The following MANSC4 variants were observed in gnomAD, a reference collection of about 807,000 sequenced individuals.
MANSC4 encodes the protein MANSC domain containing 4, also known as MANSC domain-containing protein 4.
Under a neutral mutation model 11.4 loss-of-function variants are expected in MANSC4, and 11 were observed. That is an observed-to-expected ratio of 0.97 (90% CI 0.61 to 1.60). The LOEUF is 1.60. Ranked by LOEUF, MANSC4 falls within the 40% of genes most tolerant of loss-of-function variation. MANSC4 has a pLI of 0.00. For missense variants in MANSC4, 354 were observed against 404.6 expected (o/e 0.88, Z 1.07); for synonymous variants, 123 against 147.1 (o/e 0.84, Z 1.19).
At chr12:27,777,784 T>C (rs2062124443) in intron 1 of MANSC4, among the ~76,000 whole-genome samples, 1 of 152,096 alleles carries the variant, frequency 6.6e-6, no homozygotes. Flanking sequence ...ATTCCTAGCA[T>C]TATTATAAAG....
In MANSC4 at chr12:27,768,418, A is replaced by AAG. The variant is rs1555109484; in HGVS notation, c.230-1620_230-1619insCT. On this transcript the variant is annotated intron_variant, in intron 2 of 3. Transcript: ENST00000381273. ...ACTCTGTCTCAAAAAAAAAAAAAAA[A>AAG]AAAAGAAAAAGAAAAAGAAAAAGAA... is the stretch of plus-strand genomic sequence containing the variant. Among the ~76,000 whole-genome samples, 218 of 117,164 alleles carry AAG rather than the reference A, an allele frequency of 1.9e-3. 5 individuals are homozygous for AAG. Among genetic ancestry groups the AAG allele is most frequent in the African/African-American group, 6.4e-3 (212 of 33,244 alleles). 76.9% of individuals were successfully genotyped at this position (117,164 alleles called of 152,430 possible). A position where few individuals can be genotyped will look rare whatever the true frequency, so the allele number is the denominator to read the frequency against.
intron 2 of MANSC4, 120 bp downstream of exon 2, chr12:27,770,928 T>G: frequency 1.4e-6 from 1 of 710,608 alleles, no homozygotes; most frequent in South Asian, 2.0e-5. Flanking sequence ...TCCCACACCC[T>G]AGGGCATCTT....
intron 2 of MANSC4, among the ~76,000 whole-genome samples, chr12:27,768,402 C>CAAAAAAAAAAA (rs201953091): frequency 2.7e-5 from 3 of 109,690 alleles, no homozygotes; most frequent in African/African-American, 7.5e-5. Flanking sequence ...GACTCTGTCT[C>CAAAAAAAAAAA]AAAAAAAAAA....
At chr12:27,764,030 G>A (rs1228479382) in intron 3 of MANSC4, among the ~76,000 whole-genome samples, 1 of 152,164 alleles carries the variant, frequency 6.6e-6, no homozygotes, top group Non-Finnish European at 1.5e-5. Context: ...ACTGCACCCA[G>A]CAATATAGCA....
In MANSC4 at chr12:27,774,752, G is replaced by C. The variant is rs958903252; in HGVS notation, c.-306-3170C>G. On this transcript the variant is annotated intron_variant, in intron 1 of 3. Transcript: ENST00000381273. ...AAAATAAAAAGCAGGGGCTGGGCAC[G>C]GTGGCTCACGCCTGTAATCCCAGCA... 5.3e-5 allele frequency among the ~76,000 whole-genome samples: 8 copies of C among 152,290 alleles called. No homozygotes were observed. The South Asian group carries it at 1.7e-3, about 32-fold the overall frequency.
chr12:27,766,939 T>A, intron 2 of MANSC4, 140 bp from the exon 3 acceptor site: 1 of 876,706 alleles, frequency 1.1e-6, no homozygotes, highest in Non-Finnish European at 1.7e-6. Flanking sequence ...TTTTGCAGAA[T>A]GTTTATAAAC....
At chr12:27,778,932 G>A (rs868158925) in intron 1 of MANSC4, among the ~76,000 whole-genome samples, 24 of 152,296 alleles carry the variant, frequency 1.6e-4, no homozygotes, top group Admixed American at 9.8e-4. Flanking sequence ...GCAGTGGCGC[G>A]ATCTCGGCTC....
chr12:27,775,827 C>T (rs1011709673), intron 1 of MANSC4, among the ~76,000 whole-genome samples: 6 of 151,510 alleles, frequency 4.0e-5, no homozygotes, highest in South Asian at 2.1e-4. Flanking sequence ...TGGTGGCTCA[C>T]GCCTGTAATC....
At chr12:27,769,596 C>T (rs1038723427) in intron 2 of MANSC4, among the ~76,000 whole-genome samples, 7 of 152,266 alleles carry the variant, frequency 4.6e-5, no homozygotes, top group East Asian at 3.9e-4. Context: ...TGAGGACTTA[C>T]GGGAGTTAAA....
Position 27,766,052 on chromosome 12 carries a change from G to T in MANSC4, c.364+613C>A, listed in dbSNP as rs117646611. Among the ~76,000 whole-genome samples, 53 of 149,884 alleles carry T rather than the reference G, an allele frequency of 3.5e-4. 1 individual carries two copies. The East Asian group carries it at 9.6e-3, about 27-fold the overall frequency. On this transcript the variant is annotated intron_variant, in intron 3 of 3. Coordinates refer to ENST00000381273, the MANE Select transcript of MANSC4 (RefSeq NM_001146221.5). ...TTAGCATTTTCTTTATCTCCTAGTG[G>T]CCCCTCAGCCACCACAGGACCTTTT...
chr12:27,774,847 C>A (rs1414994047), intron 1 of MANSC4, among the ~76,000 whole-genome samples: 2 of 151,998 alleles, frequency 1.3e-5, no homozygotes, highest in East Asian at 3.9e-4. Flanking sequence ...CATGGTGAAA[C>A]CCCGTGTCTA....
At chr12:27,775,682 A>C (rs1045360673) in intron 1 of MANSC4, among the ~76,000 whole-genome samples, 27 of 152,168 alleles carry the variant, frequency 1.8e-4, no homozygotes, top group African/African-American at 5.5e-4. Flanking sequence ...GATTACAGGA[A>C]TCGGTCACTG....
At position 27,771,047 on chromosome 12, in the gene MANSC4, C is replaced by T. The variant is rs554363237; in HGVS notation, c.229+1G>A. 3.2e-6 allele frequency: 5 copies of T among 1,548,112 alleles called. No individual in the cohort carries two copies. Among genetic ancestry groups the T allele is most frequent in the Non-Finnish European group, 4.4e-6 (5 of 1,145,462 alleles). ...TGCCCAAGCATATCATGAATACTTA[C>T]CATCCTTCCGAAGACAGCAGCTCCT... On this transcript the variant is annotated splice_donor_variant, in intron 2 of 3. Transcript: ENST00000381273. LOFTEE classifies it high-confidence loss of function.
At chr12:27,775,508 C>T (rs2062116345) in intron 1 of MANSC4, among the ~76,000 whole-genome samples, 1 of 152,160 alleles carries the variant, frequency 6.6e-6, no homozygotes. Flanking sequence ...ACTTAGGCAA[C>T]AGAGCAAGAC....
Position 27,763,368 on chromosome 12 carries a change from T to C in MANSC4, c.393A>G (p.Glu131=). Residue 131 remains glutamate, a synonymous_variant, in exon 4 of 4, where the codon GAA becomes GAG. Transcript: ENST00000381273. The part of the protein sequence containing the change: ...DGIDPDLLVF[E]QSPTYLNTRS... ...GAGTATTTAGATATGTGGGAGATTG[T>C]TCAAAAACCAGCAAATCCGGATCTA... 12 of 1,548,260 alleles carry C rather than the reference T, an allele frequency of 7.8e-6. No individual in the cohort carries two copies. Among genetic ancestry groups the C allele is most frequent in the Non-Finnish European group, 1.0e-5 (12 of 1,145,054 alleles).
chr12:27,766,617 A>G (rs562036517), intron 3 of MANSC4, 48 bp downstream of exon 3: 3 of 1,534,584 alleles, frequency 2.0e-6, no homozygotes, highest in East Asian at 2.5e-5. Flanking sequence ...TGCCTCTACT[A>G]GAATATCGCC....
At position 27,771,246 on chromosome 12, in the gene MANSC4, T is replaced by A. The variant is rs1201149030; in HGVS notation, c.31A>T (p.Ile11Leu). 2 of 1,551,064 alleles carry A rather than the reference T, an allele frequency of 1.3e-6. No homozygotes were observed. Among genetic ancestry groups the A allele is most frequent in the East Asian group, 4.9e-5 (2 of 40,920 alleles). The change falls in exon 2 of 4, where the codon ATA (isoleucine) becomes TTA (leucine). Residue 11 changes from isoleucine (I) to leucine (L), a missense_variant. Physicochemically the swap from Ile to Leu is conservative, Grantham distance 5. Coordinates refer to ENST00000381273, the MANE Select transcript of MANSC4 (RefSeq NM_001146221.5). The part of the protein sequence containing the change: MHVAEVAVNV[I>L]LLLSMGWTSD... ...GTCCACCCCATGCTTAGGAGCAATATCACGTTCACTGCTACCTCTGCCACA... is the reference window on the plus strand; with the variant it reads ...GTCCACCCCATGCTTAGGAGCAATAACACGTTCACTGCTACCTCTGCCACA...
At chr12:27,766,103 C>G (rs1242874930) in intron 3 of MANSC4, among the ~76,000 whole-genome samples, 1 of 150,204 alleles carries the variant, frequency 6.7e-6, no homozygotes, top group Non-Finnish European at 1.5e-5. Context: ...GATTCTTGCT[C>G]TGTCACCATG....
At chr12:27,778,523 TAAC>T (rs1242516191) in intron 1 of MANSC4, among the ~76,000 whole-genome samples, 1 of 152,022 alleles carries the variant, frequency 6.6e-6, no homozygotes, top group Non-Finnish European at 1.5e-5. Flanking sequence ...AGATATTATT[TAAC>T]AATCTGTCAT....
Sources: allele counts gnomAD v4.1 joint callset (sites outside exome capture counted in the v4.1 genomes callset), GRCh38; gene constraint gnomAD v4.1.1; transcripts MANE v1.5; gene names NCBI Gene and HGNC (gene_info 2026-07-23, HGNC 2026-07-21).